Variants in NARS2 observed in about 807,000 individuals in gnomAD.
NARS2 encodes the protein asparaginyl-tRNA synthetase 2, mitochondrial.
A neutral mutation model predicts 62.9 loss-of-function variants in NARS2; 60 were observed. That is an observed-to-expected ratio of 0.95 (90% CI 0.77 to 1.18). The LOEUF is 1.18. Among genes scored for constraint, NARS2 ranks in the 50% most tolerant of loss-of-function variants. The probability of loss-of-function intolerance (pLI) is 0.00; values close to 1 mark genes in which losing one functional copy is unlikely to be tolerated. For missense variants in NARS2, 619 were observed against 576.4 expected (o/e 1.07, Z -0.76); for synonymous variants, 196 against 200.0 (o/e 0.98, Z 0.17).
chr11:78,483,903 T>G (rs186883032), intron 7 of NARS2, among the ~76,000 whole-genome samples: 186 of 152,312 alleles, frequency 1.2e-3, no homozygotes, highest in African/African-American at 4.3e-3. Flanking sequence ...AAATTTCATA[T>G]GGAACCAAAA....
rs775865408 is a variant in NARS2, at chr11:78,493,083, T to G, written c.802A>C (p.Ser268Arg). The change falls in exon 7 of 14, where the codon AGC becomes CGC. Residue 268 changes from serine (S) to arginine (R), a missense_variant. Physicochemically the swap from Ser to Arg is moderately radical, Grantham distance 110. Transcript: ENST00000281038. ...MIEAEISFVDSLQDLMQVIEE... is the reference protein window; with the variant it reads ...MIEAEISFVDRLQDLMQVIEE... ...CCTACCTGCATAAGATCTTGAAGGC[T>G]GTCAACAAAAGAAATCTCTGCTTCT... 1.2e-6 allele frequency: 2 copies of G among 1,613,080 alleles called. No homozygotes were observed. The highest frequency in any genetic ancestry group is 3.4e-5 in the Admixed American group (2 of 59,678).
intron 11 of NARS2, among the ~76,000 whole-genome samples, chr11:78,457,739 T>C (rs1016019726): frequency 2.6e-5 from 4 of 151,946 alleles, no homozygotes; most frequent in Admixed American, 6.6e-5. Flanking sequence ...GGTAAGATAC[T>C]TGTGAGTGCG....
intron 5 of NARS2, among the ~76,000 whole-genome samples, chr11:78,552,754 G>C (rs1856175215): frequency 1.3e-5 from 2 of 152,080 alleles, no homozygotes; most frequent in South Asian, 4.1e-4. Context: ...TACGTATATG[G>C]ATTGATGTCT....
At chr11:78,517,410 C>G (rs577507685) in intron 6 of NARS2, among the ~76,000 whole-genome samples, 2 of 152,288 alleles carry the variant, frequency 1.3e-5, no homozygotes, top group African/African-American at 4.8e-5. Context: ...GGGAGCTGAG[C>G]AAAGAATCCA....
intron 3 of NARS2, among the ~76,000 whole-genome samples, chr11:78,568,363 T>C (rs772116505): frequency 1.3e-5 from 2 of 152,190 alleles, no homozygotes; most frequent in Non-Finnish European, 2.9e-5. Flanking sequence ...CCCTGGTATA[T>C]CATGGTGGCT....
At chr11:78,476,152 C>A (rs1859085754) in intron 9 of NARS2, among the ~76,000 whole-genome samples, 2 of 152,192 alleles carry the variant, frequency 1.3e-5, no homozygotes, top group African/African-American at 4.8e-5. Flanking sequence ...GCTTCTGCAG[C>A]AACCAGCTAG....
At position 78,436,388 on chromosome 11, in the gene NARS2, A is replaced by C. The variant is rs1857410744; in HGVS notation, c.*282T>G. 2 of 314,918 alleles carry C rather than the reference A, an allele frequency of 6.4e-6. No individual in the cohort carries two copies. The highest frequency in any genetic ancestry group is 1.2e-5 in the Non-Finnish European group (2 of 169,508). The allele number at this position is 314,918 out of a possible 1,614,324, so 19.5% of individuals were successfully genotyped here. On this transcript the variant is annotated 3_prime_UTR_variant, in exon 14 of 14. Transcript: ENST00000281038. ...CATTCTGTTTTAGAGTTTAAAAGAA[A>C]CTTTGAGACTAATTCAATTTCTTCA...
chr11:78,444,283 T>A, intron 11 of NARS2, among the ~76,000 whole-genome samples: 1 of 152,216 alleles, frequency 6.6e-6, no homozygotes. Context: ...GTGTGTATAT[T>A]TTTGTCTGTT....
intron 2 of NARS2, among the ~76,000 whole-genome samples, chr11:78,571,001 G>C (rs1856902976): frequency 6.6e-6 from 1 of 152,182 alleles, no homozygotes. Flanking sequence ...TGAAAGACAA[G>C]AGGAGAAGAG....
At chr11:78,571,881 C>T (rs747390970) in intron 1 of NARS2, among the ~76,000 whole-genome samples, 24 of 152,316 alleles carry the variant, frequency 1.6e-4, no homozygotes, top group Non-Finnish European at 2.8e-4. Flanking sequence ...GGCATCTCCT[C>T]TTTGGTGATT....
intron 6 of NARS2, among the ~76,000 whole-genome samples, chr11:78,519,077 G>A (rs1357409302): frequency 6.6e-6 from 1 of 152,132 alleles, no homozygotes; most frequent in African/African-American, 2.4e-5. Flanking sequence ...TCAGTATCAA[G>A]GGAATGAAGA....
At chr11:78,484,063 C>G (rs552308764) in intron 7 of NARS2, among the ~76,000 whole-genome samples, 1 of 152,250 alleles carries the variant, frequency 6.6e-6, no homozygotes, top group South Asian at 2.1e-4. Flanking sequence ...TGGAACAAAA[C>G]AGAGACCTCA....
intron 9 of NARS2, among the ~76,000 whole-genome samples, chr11:78,472,944 C>G (rs1302142595): frequency 6.6e-6 from 1 of 152,170 alleles, no homozygotes. Context: ...GTCATCAGAC[C>G]AGCACCATCT....
At chr11:78,568,567 C>T in intron 3 of NARS2, 65 bp downstream of exon 3, 1 of 1,539,446 alleles carries the variant, frequency 6.5e-7, no homozygotes, top group Non-Finnish European at 8.8e-7. Context: ...AATAATCACA[C>T]TTAAAACAGA....
chr11:78,519,201 C>T (rs369261030), intron 6 of NARS2, among the ~76,000 whole-genome samples: 1 of 152,208 alleles, frequency 6.6e-6, no homozygotes, highest in South Asian at 2.1e-4. Context: ...GTAAGAGCAT[C>T]CTGAGTACGA....
intron 11 of NARS2, among the ~76,000 whole-genome samples, chr11:78,446,528 C>G (rs1857766894): frequency 6.6e-6 from 1 of 152,104 alleles, no homozygotes; most frequent in Non-Finnish European, 1.5e-5. Context: ...TTGTTCTTTT[C>G]TTACCTTCAA....
At chr11:78,524,624 A>G (rs1328633709) in intron 6 of NARS2, among the ~76,000 whole-genome samples, 1 of 152,076 alleles carries the variant, frequency 6.6e-6, no homozygotes, top group Non-Finnish European at 1.5e-5. Flanking sequence ...GAATGAACTT[A>G]CCACTTATAA....
chr11:78,477,849 C>T (rs76506612), intron 9 of NARS2, among the ~76,000 whole-genome samples: 1,870 of 152,156 alleles, frequency 0.012, 29 homozygotes, highest in African/African-American at 0.043. Context: ...CCACCTACCC[C>T]GAGACTTTAA....
chr11:78,481,905 C>G (rs1859371213), intron 7 of NARS2, among the ~76,000 whole-genome samples: 1 of 152,122 alleles, frequency 6.6e-6, no homozygotes, highest in Non-Finnish European at 1.5e-5. Flanking sequence ...TCACAATTAA[C>G]TAAATCATTC....
Sources: gnomAD v4.1 joint callset for allele counts (sites outside exome capture counted in the v4.1 genomes callset) on GRCh38, gnomAD v4.1.1 for gene constraint, MANE v1.5 for transcripts, NCBI Gene and HGNC (gene_info 2026-07-23, HGNC 2026-07-21) for gene names.